Variants in ZBTB20 observed in about 807,000 individuals in gnomAD.
The protein encoded by ZBTB20 is zinc finger and BTB domain containing 20, also known as zinc finger and BTB domain-containing protein 20.
ZBTB20 carries 9 observed loss-of-function variants against 56.9 expected under a neutral mutation model. The observed-to-expected ratio is 0.16, with a 90% CI of 0.10 to 0.28. ZBTB20 has a LOEUF of 0.28. Among genes scored for constraint, ZBTB20 ranks in the 10% least tolerant of loss-of-function variants. The pLI, the probability that ZBTB20 is intolerant of heterozygous loss-of-function variation, is 1.00. For synonymous variants in ZBTB20, 417 were observed against 420.7 expected (o/e 0.99, Z 0.11); for missense variants, 655 against 1,003.0 (o/e 0.65, Z 4.69).
chr3:114,413,471 G>C (rs2088192915), intron 7 of ZBTB20, among the ~76,000 whole-genome samples: 1 of 152,144 alleles, frequency 6.6e-6, no homozygotes, highest in African/African-American at 2.4e-5. Context: ...AGGCTATCTG[G>C]AGGAAAATAA....
chr3:114,769,274 T>C (rs1246319187), intron 5 of ZBTB20, among the ~76,000 whole-genome samples: 3 of 151,940 alleles, frequency 2.0e-5, no homozygotes, highest in Non-Finnish European at 4.4e-5. Flanking sequence ...AATTGCTACA[T>C]ATTATAGCAG....
intron 7 of ZBTB20, among the ~76,000 whole-genome samples, chr3:114,460,187 T>A (rs1370192387): frequency 6.6e-6 from 1 of 152,088 alleles, no homozygotes; most frequent in Non-Finnish European, 1.5e-5. Flanking sequence ...TTTGGACATA[T>A]TTTACTGACG....
At chr3:115,118,348 C>T (rs1353574298) in intron 1 of ZBTB20, among the ~76,000 whole-genome samples, 3 of 152,140 alleles carry the variant, frequency 2.0e-5, no homozygotes, top group Non-Finnish European at 4.4e-5. Context: ...CATGTGTGTG[C>T]TACTGTTCCT....
chr3:114,658,864 C>T (rs2060561368), intron 6 of ZBTB20: 1 of 152,150 alleles, frequency 6.6e-6, no homozygotes, highest in Admixed American at 6.5e-5. Flanking sequence ...ATTATCCTGG[C>T]AAATTAATGT....
At chr3:114,744,212 A>G (rs1421110373) in intron 5 of ZBTB20, among the ~76,000 whole-genome samples, 1 of 152,230 alleles carries the variant, frequency 6.6e-6, no homozygotes, top group African/African-American at 2.4e-5. Context: ...TCAAGAGTCA[A>G]TAAGAATCAC....
chr3:114,630,636 C>T (rs772813457), intron 6 of ZBTB20, among the ~76,000 whole-genome samples: 2 of 152,170 alleles, frequency 1.3e-5, no homozygotes, highest in Admixed American at 6.5e-5. Context: ...CTGGAGAAAC[C>T]GTGCACATTG....
intron 2 of ZBTB20, among the ~76,000 whole-genome samples, chr3:115,011,897 T>G (rs1414611937): frequency 6.6e-6 from 1 of 151,796 alleles, no homozygotes; most frequent in African/African-American, 2.4e-5. Flanking sequence ...AATAAAAAGT[T>G]TAAAAGCTAG....
At position 114,656,888 on chromosome 3, in the gene ZBTB20, T is replaced by C. The variant is rs547604818; in HGVS notation, c.-295+36640A>G. Among the ~76,000 whole-genome samples, 11 of 152,240 alleles carry C rather than the reference T, an allele frequency of 7.2e-5. No homozygotes were observed. In the South Asian group the frequency reaches 2.3e-3, roughly 32 times the overall value. On this transcript the variant is annotated intron_variant, in intron 6 of 11. Transcript: ENST00000675478. ...TCAGCCTTCTGAGTAGCTGGGATTA[T>C]AAGCATACGCCACCACATCTGGTGG... is the stretch of plus-strand genomic sequence containing the variant.
intron 5 of ZBTB20, among the ~76,000 whole-genome samples, chr3:114,714,309 C>T (rs986430871): frequency 6.6e-6 from 1 of 152,174 alleles, no homozygotes; most frequent in Non-Finnish European, 1.5e-5. Flanking sequence ...AAACCTTATT[C>T]TAACTGATGG....
chr3:114,719,634 G>A (rs913413064), intron 5 of ZBTB20, among the ~76,000 whole-genome samples: 1 of 152,052 alleles, frequency 6.6e-6, no homozygotes. Flanking sequence ...ACCATATCAC[G>A]TAAGAAAAAG....
chr3:114,581,922 T>C lies in ZBTB20; in HGVS notation c.-294-81531A>G, dbSNP rs6438212. Among the ~76,000 whole-genome samples, 1,128 of 152,270 alleles carry C rather than the reference T, an allele frequency of 7.4e-3. 17 individuals are homozygous for C. Among genetic ancestry groups the C allele is most frequent in the African/African-American group, 0.025 (1,031 of 41,562 alleles). On this transcript the variant is annotated intron_variant, in intron 6 of 11. Transcript: ENST00000675478. ...GCATTTCTACTTCTATGTATATATG[T>C]CTATAAAAATGTTAACTGTGGTCTT... is the stretch of plus-strand genomic sequence containing the variant.
At chr3:114,511,202 T>C (rs1157896454) in intron 6 of ZBTB20, among the ~76,000 whole-genome samples, 1 of 152,026 alleles carries the variant, frequency 6.6e-6, no homozygotes, top group Non-Finnish European at 1.5e-5. Context: ...GCAGTAAATG[T>C]AAGGCTCTGC....
chr3:114,435,948 G>A (rs1414616912), intron 7 of ZBTB20, among the ~76,000 whole-genome samples: 1 of 152,086 alleles, frequency 6.6e-6, no homozygotes, highest in Non-Finnish European at 1.5e-5. Flanking sequence ...TTGAACATCA[G>A]TAATATGATA....
At chr3:114,630,908 A>T (rs550169059) in intron 6 of ZBTB20, among the ~76,000 whole-genome samples, 3 of 152,210 alleles carry the variant, frequency 2.0e-5, no homozygotes, top group African/African-American at 2.4e-5. Context: ...TAGAGATTAT[A>T]ATCCAGTATT....
At chr3:114,718,423 T>C (rs1440634796) in intron 5 of ZBTB20, among the ~76,000 whole-genome samples, 1 of 152,078 alleles carries the variant, frequency 6.6e-6, no homozygotes, top group East Asian at 1.9e-4. Context: ...GAGTTAAAGT[T>C]CACTTTCATC....
At chr3:114,465,656 G>T (rs969374280) in intron 7 of ZBTB20, among the ~76,000 whole-genome samples, 1 of 151,554 alleles carries the variant, frequency 6.6e-6, no homozygotes, top group Non-Finnish European at 1.5e-5. Context: ...GCAGTGAGCC[G>T]AGATCGCACC....
At chr3:114,915,180 G>A (rs1351664955) in intron 3 of ZBTB20, among the ~76,000 whole-genome samples, 2 of 151,848 alleles carry the variant, frequency 1.3e-5, no homozygotes, top group Non-Finnish European at 2.9e-5. Context: ...GTAAAATTCA[G>A]CAGTAAAGCG....
intron 1 of ZBTB20, among the ~76,000 whole-genome samples, chr3:115,090,177 A>G (rs963923010): frequency 9.2e-5 from 14 of 151,754 alleles, no homozygotes; most frequent in Non-Finnish European, 1.9e-4. Flanking sequence ...ATAATCAACT[A>G]AAGTCGAGTT....
chr3:114,673,255 G>A (rs1252608654), intron 6 of ZBTB20, among the ~76,000 whole-genome samples: 1 of 152,058 alleles, frequency 6.6e-6, no homozygotes, highest in Non-Finnish European at 1.5e-5. Flanking sequence ...TTCACTGGGG[G>A]TTGGGGTAGA....
Sources: gnomAD v4.1 joint callset for allele counts (sites outside exome capture counted in the v4.1 genomes callset) on GRCh38, gnomAD v4.1.1 for gene constraint, MANE v1.5 for transcripts, NCBI Gene and HGNC (gene_info 2026-07-23, HGNC 2026-07-21) for gene names.